The following PRRC2C variants were observed in gnomAD, a reference collection of about 807,000 sequenced individuals.
The protein encoded by PRRC2C is protein PRRC2C.
In PRRC2C, 72 loss-of-function variants were observed where a neutral mutation model predicts 317.2. That is an observed-to-expected ratio of 0.23 (90% CI 0.19 to 0.28). The LOEUF (loss-of-function observed/expected upper bound fraction) is 0.28. PRRC2C is among the 10% of genes least tolerant of loss of function. PRRC2C has a pLI of 1.00. For missense variants in PRRC2C, 3,074 were observed against 3,459.7 expected, an observed-to-expected ratio of 0.89 and a Z score of 2.80; for synonymous variants, 1,296 against 1,205.9, an observed-to-expected ratio of 1.07 and a Z score of -1.55.
At chr1:171,488,881 T>G (rs1398957990) in intron 1 of PRRC2C, among the ~76,000 whole-genome samples, 1 of 152,174 alleles carries the variant, frequency 6.6e-6, no homozygotes, top group African/African-American at 2.4e-5. Context: ...CCCTGTGTGG[T>G]GCTGCTATGT....
chr1:171,580,084 A>G, intron 28 of PRRC2C, 120 bp downstream of exon 28: 1 of 856,274 alleles, frequency 1.2e-6, no homozygotes, highest in Non-Finnish European at 1.6e-6. Context: ...GCTATAAACT[A>G]CATTGGCTAA....
chr1:171,589,096 CT>C (rs1269081962), intron 33 of PRRC2C, among the ~76,000 whole-genome samples: 1 of 152,152 alleles, frequency 6.6e-6, no homozygotes, highest in Non-Finnish European at 1.5e-5. Flanking sequence ...AATTAAAAGT[CT>C]TTCTATCCCC....
Position 171,558,550 on chromosome 1 carries a change from A to C in PRRC2C, c.6031+407A>C, listed in dbSNP as rs12564338. 2.1e-3 allele frequency among the ~76,000 whole-genome samples: 317 copies of C among 152,248 alleles called. 12 individuals are homozygous for C. In the East Asian group the frequency reaches 0.054, roughly 26 times the overall value. ...TTTTGGTCATTCTTGCAATATGTCA[A>C]ATTTTTCATCATTTATCTGTTATGG... is the stretch of plus-strand genomic sequence containing the variant. On this transcript the variant is annotated intron_variant, in intron 19 of 34. Transcript: ENST00000647382.
chr1:171,587,627 T>G, intron 31 of PRRC2C, 21 bp from the exon 32 acceptor site: 3 of 1,512,696 alleles, frequency 2.0e-6, no homozygotes, highest in Non-Finnish European at 2.8e-6. Flanking sequence ...AATGTTAAGT[T>G]TATTTTATGC....
chr1:171,527,909 C>A (rs1407260203), intron 11 of PRRC2C, 65 bp downstream of exon 11: 1 of 1,373,268 alleles, frequency 7.3e-7, no homozygotes, highest in Non-Finnish European at 1.0e-6. Context: ...GGTGGAAAGA[C>A]ACCAAATTTT....
chr1:171,533,842 T>C (rs1369584899), intron 12 of PRRC2C, among the ~76,000 whole-genome samples: 1 of 152,214 alleles, frequency 6.6e-6, no homozygotes, highest in East Asian at 1.9e-4. Context: ...TAGCATAGCC[T>C]CAATCTCTTG....
At chr1:171,495,890 C>G (rs1438445024) in intron 1 of PRRC2C, among the ~76,000 whole-genome samples, 1 of 152,128 alleles carries the variant, frequency 6.6e-6, no homozygotes, top group African/African-American at 2.4e-5. Flanking sequence ...GTTTTGGAGG[C>G]TGGAAGTCTG....
In PRRC2C at chr1:171,557,623, C is replaced by T. The variant is rs1398284192; in HGVS notation, c.5511C>T (p.Ala1837=). 9.7e-6 allele frequency: 15 copies of T among 1,551,540 alleles called. No individual in the cohort carries two copies. Among genetic ancestry groups the T allele is most frequent in the Non-Finnish European group, 8.7e-7 (1 of 1,146,990 alleles). ...AAAITSSSAP[A]SAPAPTPILA... is the part of the protein sequence containing the mutation. ...CTATAACCTCTTCTTCAGCTCCAGC[C>T]TCAGCCCCAGCTCCAACCCCCATCC... The change falls in exon 19 of 35, where the codon GCC becomes GCT. Residue 1837 remains alanine (A), a synonymous_variant. Transcript: ENST00000647382.
At chr1:171,566,529 G>T (rs999361474) in intron 21 of PRRC2C, 63 bp from the exon 22 acceptor site, 1 of 1,487,472 alleles carries the variant, frequency 6.7e-7, no homozygotes, top group Non-Finnish European at 9.0e-7. Context: ...TTTGATCATG[G>T]TGCAATGATG....
chr1:171,586,803 G>C (rs1650140564), intron 30 of PRRC2C, among the ~76,000 whole-genome samples, 200 bp from the exon 31 acceptor site: 1 of 151,136 alleles, frequency 6.6e-6, no homozygotes, highest in Non-Finnish European at 1.5e-5. Flanking sequence ...GGCCAGGATG[G>C]TCTCGATCTC....
At chr1:171,488,720 G>A (rs1666575906) in intron 1 of PRRC2C, among the ~76,000 whole-genome samples, 1 of 152,182 alleles carries the variant, frequency 6.6e-6, no homozygotes, top group Admixed American at 6.5e-5. Flanking sequence ...GGCAAATCCA[G>A]TCAAACAAGG....
chr1:171,548,328 TG>T (rs1354132460), intron 17 of PRRC2C, among the ~76,000 whole-genome samples: 1 of 152,200 alleles, frequency 6.6e-6, no homozygotes, highest in African/African-American at 2.4e-5. Context: ...AGTATGTTAA[TG>T]CTAAGTTTTA....
At chr1:171,574,805 C>A in intron 24 of PRRC2C, 122 bp from the exon 25 acceptor site, 1 of 914,780 alleles carries the variant, frequency 1.1e-6, no homozygotes, top group Admixed American at 2.6e-5. Flanking sequence ...CTTTAAATAT[C>A]TTTGTGTGTG....
chr1:171,571,588 A>T (rs1684781529), intron 24 of PRRC2C, among the ~76,000 whole-genome samples, 167 bp downstream of exon 24: 2 of 152,206 alleles, frequency 1.3e-5, no homozygotes, highest in South Asian at 2.1e-4. Context: ...TTAGCTTCTG[A>T]TACCACTAAG....
In PRRC2C at chr1:171,571,331, C is replaced by T; in HGVS notation, c.6663C>T (p.Pro2221=). 1.2e-6 allele frequency: 2 copies of T among 1,607,768 alleles called. No homozygotes were observed. Among genetic ancestry groups the T allele is most frequent in the South Asian group, 2.2e-5 (2 of 90,878 alleles). The change falls in exon 24 of 35, where the codon CCC becomes CCT. Residue 2221 remains proline, a synonymous_variant. Transcript: ENST00000647382. ...EDTLVNNVPL[P]NTLPLPKRET... is the part of the protein sequence containing the mutation. The stretch of plus-strand genomic sequence containing the variant: ...GCCTACCTTTTCAGGTGCCCCTGCC[C>T]AACACCCTTCCCCTCCCTAAGAGGG...
At chr1:171,511,960 T>G in intron 1 of PRRC2C, 72 bp from the exon 2 acceptor site, 1 of 536,134 alleles carries the variant, frequency 1.9e-6, no homozygotes, top group African/African-American at 1.9e-5. Flanking sequence ...GGAAGTTTTT[T>G]CAGAATTTCT....
In PRRC2C at chr1:171,540,554, C is replaced by T. The variant is rs1288859369; in HGVS notation, c.3088C>T (p.Arg1030Trp). Reference protein sequence around the residue: ...KPVLRDMKEEREQRKEKEGEK... With the variant: ...KPVLRDMKEEWEQRKEKEGEK... Reference sequence around the variant, plus strand: ...TGTACTTAGAGATATGAAAGAGGAACGGGAACAGAGGAAGGAGAAAGAAGG... The same window carrying T: ...TGTACTTAGAGATATGAAAGAGGAATGGGAACAGAGGAAGGAGAAAGAAGG... The change falls in exon 16 of 35, where the codon CGG (arginine) becomes TGG (tryptophan). Residue 1030 changes from arginine to tryptophan, a missense_variant. Arg to Trp is a moderately radical substitution (Grantham distance 101). Coordinates refer to ENST00000647382, the MANE Select transcript of PRRC2C (RefSeq NM_001387844.1). The T allele has an allele frequency of 5.6e-6, 9 of 1,613,376 alleles. No homozygotes were observed. Among genetic ancestry groups the T allele is most frequent in the African/African-American group, 1.3e-5 (1 of 74,736 alleles).
Position 171,541,759 on chromosome 1 carries a change from A to G in PRRC2C, c.4293A>G (p.Pro1431=). ...RPRRQRPTRP[P]RQDKPPRFRR... is the part of the protein sequence containing the mutation. ...GAAGGCAGCGTCCTACTCGACCACCAAGGCAAGACAAGCCACCTCGATTTA... is the reference window on the plus strand; with the variant it reads ...GAAGGCAGCGTCCTACTCGACCACCGAGGCAAGACAAGCCACCTCGATTTA... The change falls in exon 16 of 35, where the codon CCA becomes CCG. Residue 1431 remains proline (P), a synonymous_variant. Coordinates refer to ENST00000647382, the MANE Select transcript of PRRC2C (RefSeq NM_001387844.1). The surrounding 1 kb of genome is among the most constrained non-coding windows in gnomAD (Gnocchi z 4.1). 2 of 1,613,960 alleles carry G rather than the reference A, an allele frequency of 1.2e-6. No homozygotes were observed. The highest frequency in any genetic ancestry group is 1.7e-6 in the Non-Finnish European group (2 of 1,179,874).
rs1678371872 is a variant in PRRC2C, at chr1:171,543,319, T to A, written c.4763+1090T>A. On this transcript the variant is annotated intron_variant, in intron 16 of 34. Coordinates refer to ENST00000647382, the MANE Select transcript of PRRC2C (RefSeq NM_001387844.1). ...GCCTGGGCCACAGAGCGAGACTCCGTCTCAAAAAAAAAAAAAAAAAAGTTG... is the reference window on the plus strand; with the variant it reads ...GCCTGGGCCACAGAGCGAGACTCCGACTCAAAAAAAAAAAAAAAAAAGTTG... Among the ~76,000 whole-genome samples the A allele has an allele frequency of 3.4e-5, 5 of 147,556 alleles. No homozygotes were observed. In the South Asian group the frequency reaches 1.1e-3, roughly 32 times the overall value.
Sources: allele counts gnomAD v4.1 joint callset (sites outside exome capture counted in the v4.1 genomes callset), GRCh38; gene constraint gnomAD v4.1.1; non-coding constraint Gnocchi (gnomAD v3.1); transcripts MANE v1.5; gene names NCBI Gene and HGNC (gene_info 2026-07-23, HGNC 2026-07-21).